SORBS2: variants seen among roughly 807,000 people sequenced by gnomAD.
The protein encoded by SORBS2 is sorbin and SH3 domain containing 2, also known as sorbin and SH3 domain-containing protein 2.
In SORBS2, 46 loss-of-function variants were observed where a neutral mutation model predicts 97.7. That is an observed-to-expected ratio of 0.47 (90% CI 0.37 to 0.60). The LOEUF (loss-of-function observed/expected upper bound fraction) is 0.60. Ranked by LOEUF, SORBS2 falls within the 20% of genes least tolerant of loss-of-function variation. The probability of loss-of-function intolerance (pLI) is 0.00; values close to 1 mark genes in which losing one functional copy is unlikely to be tolerated. For missense variants in SORBS2, 1,316 were observed against 1,282.3 expected (o/e 1.03, Z -0.40); for synonymous variants, 476 against 473.4 (o/e 1.01, Z -0.07).
At chr4:185,898,688 G>A (rs2099246144) in intron 1 of SORBS2, among the ~76,000 whole-genome samples, 1 of 152,128 alleles carries the variant, frequency 6.6e-6, no homozygotes, top group African/African-American at 2.4e-5. Context: ...AATTGAAGAA[G>A]TAATAGAAAT....
At chr4:185,912,034 G>A (rs1261221176) in intron 1 of SORBS2, among the ~76,000 whole-genome samples, 2 of 152,122 alleles carry the variant, frequency 1.3e-5, no homozygotes, top group East Asian at 3.9e-4. Context: ...CAGAAGAGCT[G>A]GACTTTGTAG....
intron 2 of SORBS2, among the ~76,000 whole-genome samples, chr4:185,747,819 G>A (rs537536857): frequency 7.2e-4 from 110 of 152,154 alleles, no homozygotes; most frequent in African/African-American, 2.6e-3. Flanking sequence ...GTGAAACCCC[G>A]TCTCTACCGA....
chr4:185,611,079 C>T (rs920917911), intron 12 of SORBS2, among the ~76,000 whole-genome samples: 2 of 152,032 alleles, frequency 1.3e-5, no homozygotes, highest in East Asian at 1.9e-4. Context: ...ATCTTTAGCC[C>T]GCTCAAGTGA....
intron 2 of SORBS2, among the ~76,000 whole-genome samples, chr4:185,699,979 A>G (rs2098236870): frequency 6.6e-6 from 1 of 152,196 alleles, no homozygotes; most frequent in African/African-American, 2.4e-5. Context: ...CCCTGTTCCG[A>G]CTGTGTCTGC....
At chr4:185,814,133 AG>A (rs747411394) in intron 1 of SORBS2, among the ~76,000 whole-genome samples, 1 of 152,182 alleles carries the variant, frequency 6.6e-6, no homozygotes, top group Non-Finnish European at 1.5e-5. Context: ...ATGTTACAAA[AG>A]GATATCAAGA....
In SORBS2 at chr4:185,621,731, C is replaced by T. The variant is rs2096723627; in HGVS notation, c.2215+1183G>A. On this transcript the variant is annotated intron_variant, in intron 7 of 14. Transcript: ENST00000418609. The stretch of plus-strand genomic sequence containing the variant: ...GAGCCATATTTGACACTAGTATGAA[C>T]TGTGAATTATGTCTTTTTTTTTGTC... Among the ~76,000 whole-genome samples, 4 of 147,954 alleles carry T rather than the reference C, an allele frequency of 2.7e-5. No individual in the cohort carries two copies. The South Asian group carries it at 6.3e-4, about 23-fold the overall frequency.
intron 2 of SORBS2, among the ~76,000 whole-genome samples, chr4:185,681,600 GGT>G (rs1290868247): frequency 6.6e-6 from 1 of 152,122 alleles, no homozygotes; most frequent in Non-Finnish European, 1.5e-5. Context: ...ATGACTAAAT[GGT>G]GTAAGTTTTC....
At position 185,743,487 on chromosome 4, in the gene SORBS2, C is replaced by T. The variant is rs188346884; in HGVS notation, c.-198+31740G>A. The stretch of plus-strand genomic sequence containing the variant: ...TCGTGATGGCTTCTTCCACATTGTC[C>T]TTCATTGCTGAGGATGAAAACATAG... On this transcript the variant is annotated intron_variant, in intron 2 of 20. Transcript: ENST00000284776. Among the ~76,000 whole-genome samples, 280 of 152,304 alleles carry T rather than the reference C, an allele frequency of 1.8e-3. 1 individual carries two copies. The highest frequency in any genetic ancestry group is 4.2e-3 in the African/African-American group (173 of 41,548).
chr4:185,803,575 G>T (rs1269636796), intron 1 of SORBS2, among the ~76,000 whole-genome samples: 1 of 152,168 alleles, frequency 6.6e-6, no homozygotes, highest in South Asian at 2.1e-4. Flanking sequence ...ACATAAGGGT[G>T]ATGGTAATTC....
chr4:185,658,939 C>T (rs1284384521), upstream of SORBS2, among the ~76,000 whole-genome samples: 5 of 152,010 alleles, frequency 3.3e-5, no homozygotes, highest in African/African-American at 4.8e-5. Flanking sequence ...ATCTCCTGAC[C>T]TCATGATCCG....
At chr4:185,770,031 A>C (rs1400104966) in intron 2 of SORBS2, among the ~76,000 whole-genome samples, 1 of 151,916 alleles carries the variant, frequency 6.6e-6, no homozygotes, top group Non-Finnish European at 1.5e-5. Context: ...AGCAGTTGAC[A>C]GATCATGAAG....
chr4:185,660,062 G>T (rs145388722), upstream of SORBS2, among the ~76,000 whole-genome samples: 2 of 152,232 alleles, frequency 1.3e-5, no homozygotes, highest in Admixed American at 6.5e-5. Context: ...ATATTCCTCC[G>T]AAACCTTATC....
At chr4:185,620,363 C>A (rs1327944716) in intron 7 of SORBS2, among the ~76,000 whole-genome samples, 2 of 152,136 alleles carry the variant, frequency 1.3e-5, no homozygotes, top group East Asian at 3.8e-4. Context: ...TCTGAGGTTG[C>A]AGAATTATAA....
At chr4:185,908,788 A>T (rs1269466730) in intron 1 of SORBS2, among the ~76,000 whole-genome samples, 1 of 152,154 alleles carries the variant, frequency 6.6e-6, no homozygotes, top group Non-Finnish European at 1.5e-5. Flanking sequence ...TGTTCTATCA[A>T]GACACAAAAC....
chr4:185,888,007 A>C (rs2099240566), intron 1 of SORBS2, among the ~76,000 whole-genome samples: 1 of 150,938 alleles, frequency 6.6e-6, no homozygotes, highest in South Asian at 2.1e-4. Flanking sequence ...TTGAACTCAT[A>C]TCTTTTCATT....
chr4:185,621,029 T>G (rs2096712254), intron 7 of SORBS2, among the ~76,000 whole-genome samples: 1 of 152,238 alleles, frequency 6.6e-6, no homozygotes, highest in African/African-American at 2.4e-5. Flanking sequence ...AGACATTAAA[T>G]GTATTCCAGT....
At chr4:185,697,140 C>T (rs1160632513) in intron 2 of SORBS2, among the ~76,000 whole-genome samples, 1 of 152,186 alleles carries the variant, frequency 6.6e-6, no homozygotes, top group African/African-American at 2.4e-5. Context: ...TCATTATCAT[C>T]GACTCCCCCG....
chr4:185,629,570 T>G (rs1426024726), intron 5 of SORBS2, among the ~76,000 whole-genome samples: 1 of 150,736 alleles, frequency 6.6e-6, no homozygotes, highest in Non-Finnish European at 1.5e-5. Context: ...ATTTGTTTTT[T>G]TTTTTTTTTT....
chr4:185,694,820 C>A (rs370026726), intron 2 of SORBS2, among the ~76,000 whole-genome samples: 73 of 150,516 alleles, frequency 4.8e-4, no homozygotes, highest in African/African-American at 1.7e-3. Flanking sequence ...GATTCTCCTG[C>A]CTCAGCCTTC....
Sources: allele counts gnomAD v4.1 joint callset (sites outside exome capture counted in the v4.1 genomes callset), GRCh38; gene constraint gnomAD v4.1.1; transcripts MANE v1.5; gene names NCBI Gene and HGNC (gene_info 2026-07-23, HGNC 2026-07-21).